The following TBC1D1 variants were observed in gnomAD, a reference collection of about 807,000 sequenced individuals.
TBC1D1 encodes the protein TBC1 (tre-2/USP6, BUB2, cdc16) domain family, member 1.
TBC1D1 carries 89 observed loss-of-function variants against 125.6 expected under a neutral mutation model. That is an observed-to-expected ratio of 0.71 (90% CI 0.60 to 0.85). The LOEUF (loss-of-function observed/expected upper bound fraction) is 0.85, where lower values mean the gene tolerates loss of function less well. Among genes scored for constraint, TBC1D1 ranks in the 40% least tolerant of loss-of-function variants. TBC1D1 has a pLI of 0.00. For missense variants in TBC1D1, 1,377 were observed against 1,469.2 expected, an observed-to-expected ratio of 0.94 and a Z score of 1.03; for synonymous variants, 565 against 564.1, an observed-to-expected ratio of 1.00 and a Z score of -0.02.
At position 38,118,073 on chromosome 4, in the gene TBC1D1, A is replaced by T; in HGVS notation, c.2843A>T (p.His948Leu). 6.2e-7 allele frequency: 1 copy of T among 1,614,116 alleles called. No homozygotes were observed. The highest frequency in any genetic ancestry group is 8.5e-7 in the Non-Finnish European group (1 of 1,180,010). Residue 948 changes from histidine (H) to leucine (L), a missense_variant, in exon 17 of 20, where the codon CAC (histidine) becomes CTC (leucine). Physicochemically the swap from His to Leu is moderately conservative, Grantham distance 99. Coordinates refer to ENST00000261439, the MANE Select transcript of TBC1D1 (RefSeq NM_015173.4). The stretch of plus-strand genomic sequence containing the variant: ...CTCTCGAGGTTGCTTCATGATTACC[A>T]CAGAGACCTCTACAATCACCTGGAG...
intron 2 of TBC1D1, among the ~76,000 whole-genome samples, chr4:38,010,866 C>T (rs1741336433): frequency 6.6e-6 from 1 of 152,210 alleles, no homozygotes; most frequent in South Asian, 2.1e-4. Context: ...GGCAGGGACT[C>T]ATTTACATTC....
chr4:37,959,103 C>G (rs1242736925), intron 2 of TBC1D1, among the ~76,000 whole-genome samples: 1 of 152,266 alleles, frequency 6.6e-6, no homozygotes, highest in South Asian at 2.1e-4. Flanking sequence ...TTGAATGGCC[C>G]TTTGTATTTG....
At chr4:37,945,774 G>A (rs1275070891) in intron 2 of TBC1D1, among the ~76,000 whole-genome samples, 1 of 152,126 alleles carries the variant, frequency 6.6e-6, no homozygotes, top group Non-Finnish European at 1.5e-5. Context: ...TAAACTGGTA[G>A]CAGTTCTGTT....
At chr4:37,949,757 A>C (rs1318789098) in intron 2 of TBC1D1, among the ~76,000 whole-genome samples, 1 of 152,346 alleles carries the variant, frequency 6.6e-6, no homozygotes, top group East Asian at 1.9e-4. Context: ...CTATGTAGCA[A>C]CTATTCAACT....
chr4:38,005,066 G>A (rs900337459), intron 2 of TBC1D1, among the ~76,000 whole-genome samples: 9 of 152,112 alleles, frequency 5.9e-5, no homozygotes, highest in African/African-American at 2.2e-4. Context: ...CTGTTCAGCC[G>A]TAACCGTCTT....
rs558725271 is a variant in TBC1D1, at chr4:38,112,437, A to C, written c.2558-3273A>C. On this transcript the variant is annotated intron_variant, in intron 15 of 19. Transcript: ENST00000261439. Reference sequence around the variant, plus strand: ...TCTTGTTTGGAAACTGGGTTTTTATAATGTGTGTGGTCTATCCGAAGATTA... The same window carrying C: ...TCTTGTTTGGAAACTGGGTTTTTATCATGTGTGTGGTCTATCCGAAGATTA... Among the ~76,000 whole-genome samples, 51 of 152,262 alleles carry C rather than the reference A, an allele frequency of 3.3e-4. No homozygotes were observed. In the South Asian group the frequency reaches 4.4e-3, roughly 13 times the overall value.
At chr4:38,046,190 C>A (rs1217185408) in intron 10 of TBC1D1, among the ~76,000 whole-genome samples, 1 of 151,960 alleles carries the variant, frequency 6.6e-6, no homozygotes, top group East Asian at 1.9e-4. Flanking sequence ...ACAGTGAAAC[C>A]CCGTCTCTAC....
At chr4:37,895,035 G>A (rs1230960223) in intron 1 of TBC1D1, among the ~76,000 whole-genome samples, 4 of 152,204 alleles carry the variant, frequency 2.6e-5, no homozygotes, top group African/African-American at 9.6e-5. Flanking sequence ...AGTGGTAGGT[G>A]GTCAACAGAT....
At chr4:38,042,117 A>G (rs1219640145) in intron 8 of TBC1D1, among the ~76,000 whole-genome samples, 2 of 152,064 alleles carry the variant, frequency 1.3e-5, no homozygotes, top group African/African-American at 4.8e-5. Flanking sequence ...TAGAGGTTGC[A>G]GTAAGCCAAG....
intron 2 of TBC1D1, chr4:37,960,497 G>C: frequency 6.2e-7 from 1 of 1,614,110 alleles, no homozygotes; most frequent in Non-Finnish European, 8.5e-7. Flanking sequence ...TGGCTGCCAA[G>C]GATGTGCTGA....
chr4:38,028,930 T>C (rs1251290487), intron 7 of TBC1D1, among the ~76,000 whole-genome samples: 1 of 152,144 alleles, frequency 6.6e-6, no homozygotes, highest in Non-Finnish European at 1.5e-5. Context: ...TGGAACCTGA[T>C]AATATATCAA....
At chr4:38,104,159 CAAAAAAAAAAAA>C (rs71658758) in intron 15 of TBC1D1, among the ~76,000 whole-genome samples, 128 of 83,956 alleles carry the variant, frequency 1.5e-3, no homozygotes, top group African/African-American at 5.5e-3. Context: ...GACTCTGTCT[CAAAAAAAAAAAA>C]AAAAAAAAAA....
chr4:38,052,702 ATACACACACACGCGCGCGCGCGCGCG>A (rs1262460153), intron 11 of TBC1D1, among the ~76,000 whole-genome samples: 6 of 132,004 alleles, frequency 4.5e-5, no homozygotes, highest in Non-Finnish European at 9.5e-5. Context: ...GCATGCGTAT[ATACACACACACGCGCGCGCGCGCGCG>A]CACACACACA....
At chr4:37,894,402 C>A (rs528286082) in intron 1 of TBC1D1, among the ~76,000 whole-genome samples, 66 of 152,242 alleles carry the variant, frequency 4.3e-4, no homozygotes, top group Non-Finnish European at 5.9e-4. Flanking sequence ...TTTGGGCCAA[C>A]TGAAAAACTC....
rs1560680261 is a variant in TBC1D1 at position 38,044,462 on chromosome 4, C to T, written c.1514C>T (p.Thr505Ile). Residue 505 changes from threonine (T) to isoleucine (I), a missense_variant, in exon 9 of 20, where the codon ACA (threonine) becomes ATA (isoleucine). This residue lies in a region of TBC1D1 where 822 missense variants were observed against 824.6 expected (regional missense o/e 1.00). Transcript: ENST00000261439. ...AAAAACAAAGCAAAGAGATCTTTAA[C>T]AGAGTCTTTAGAAAGTATTTTGTCC... The T allele has an allele frequency of 6.2e-7, 1 of 1,612,904 alleles. No homozygotes were observed. The highest frequency in any genetic ancestry group is 8.5e-7 in the Non-Finnish European group (1 of 1,179,756).
intron 15 of TBC1D1, chr4:38,110,619 G>A (rs1762045684): frequency 1.0e-6 from 1 of 985,250 alleles, no homozygotes; most frequent in African/African-American, 1.7e-5. Context: ...TTTATAAAGG[G>A]GTTTTTTAAT....
chr4:37,974,067 T>C (rs1164003582), intron 2 of TBC1D1, among the ~76,000 whole-genome samples: 1 of 152,200 alleles, frequency 6.6e-6, no homozygotes, highest in Non-Finnish European at 1.5e-5. Context: ...CTTCTAAGTG[T>C]TTGGGAAAGT....
chr4:38,046,667 T>C (rs1749549378), intron 10 of TBC1D1, among the ~76,000 whole-genome samples: 1 of 152,334 alleles, frequency 6.6e-6, no homozygotes, highest in Admixed American at 6.5e-5. Context: ...AAATTAAATT[T>C]CTGAAACTTT....
chr4:38,078,081 C>G (rs1161571148), intron 12 of TBC1D1, among the ~76,000 whole-genome samples: 1 of 152,112 alleles, frequency 6.6e-6, no homozygotes, highest in Admixed American at 6.6e-5. Context: ...CAGCACAGGT[C>G]GGTGGCCACG....
Sources: gnomAD v4.1 joint callset for allele counts (sites outside exome capture counted in the v4.1 genomes callset) on GRCh38, gnomAD v4.1.1 for gene constraint, gnomAD v4.1.1 regional missense constraint, MANE v1.5 for transcripts, NCBI Gene and HGNC (gene_info 2026-07-23, HGNC 2026-07-21) for gene names.